Variants in CAPG observed in about 807,000 individuals in gnomAD.
The protein encoded by CAPG is macrophage-capping protein.
CAPG carries 32 observed loss-of-function variants against 44.6 expected under a neutral mutation model. The ratio of observed to expected loss-of-function variants is 0.72; its 90% CI spans 0.54 to 0.96. The LOEUF (loss-of-function observed/expected upper bound fraction) is 0.96, where lower values mean the gene tolerates loss of function less well. Ranked by LOEUF, CAPG falls within the 50% of genes least tolerant of loss-of-function variation. The pLI is 0.00. For synonymous variants in CAPG, 175 were observed against 179.6 expected, an observed-to-expected ratio of 0.97 and a Z score of 0.20; for missense variants, 412 against 438.3, an observed-to-expected ratio of 0.94 and a Z score of 0.54.
At chr2:85,399,079 C>T (rs1482616993) in intron 6 of CAPG, 57 bp downstream of exon 6, 29 of 1,585,752 alleles carry the variant, frequency 1.8e-5, no homozygotes, top group Non-Finnish European at 2.5e-5. Flanking sequence ...TCATCACCAC[C>T]TCTCTTGGCC....
At position 85,394,965 on chromosome 2, in the gene CAPG, G is replaced by A. The variant is rs755664574; in HGVS notation, c.982-7C>T. 6.9e-6 allele frequency: 11 copies of A among 1,602,192 alleles called. No homozygotes were observed. The Admixed American group carries it at 1.7e-4, about 24-fold the overall frequency. Reference sequence around the variant, plus strand: ...CCTGAGGCAGAATCTCCACCTGCAGGGACAGCGGGGGAGAAGTCTGGTTCA... The same window carrying A: ...CCTGAGGCAGAATCTCCACCTGCAGAGACAGCGGGGGAGAAGTCTGGTTCA... On this transcript the variant is annotated splice_polypyrimidine_tract_variant and splice_region_variant and intron_variant, in intron 9 of 9. Transcript: ENST00000263867.
chr2:85,401,401 AG>A (rs1249102720), intron 4 of CAPG, 72 bp from the exon 5 acceptor site: 1 of 1,579,526 alleles, frequency 6.3e-7, no homozygotes, highest in Admixed American at 1.7e-5. Flanking sequence ...TCCCACTGGA[AG>A]ACGGGCAGAA....
intron 1 of CAPG, among the ~76,000 whole-genome samples, chr2:85,416,830 G>T (rs1278755846): frequency 6.6e-6 from 1 of 152,126 alleles, no homozygotes; most frequent in African/African-American, 2.4e-5. Context: ...TTTATTTGAA[G>T]ACATTGATTC....
chr2:85,417,906 C>T (rs1232916435), intron 1 of CAPG, among the ~76,000 whole-genome samples: 1 of 152,124 alleles, frequency 6.6e-6, no homozygotes, highest in African/African-American at 2.4e-5. Flanking sequence ...ACAAAACACC[C>T]CTCCTCCTCA....
chr2:85,408,344 AC>A (rs2104843314), intron 1 of CAPG, among the ~76,000 whole-genome samples: 1 of 128,268 alleles, frequency 7.8e-6, no homozygotes, highest in South Asian at 2.6e-4. Context: ...TCTGTCACAC[AC>A]ACACACACAC....
At chr2:85,405,910 G>C (rs544292910) in intron 1 of CAPG, among the ~76,000 whole-genome samples, 9 of 152,178 alleles carry the variant, frequency 5.9e-5, no homozygotes, top group African/African-American at 2.2e-4. Context: ...AATGAGACAC[G>C]GAGTGCGCCA....
In CAPG at chr2:85,401,850, GAGA is replaced by G. The variant is rs1558733518; in HGVS notation, c.128_130del (p.Phe43del). The stretch of plus-strand genomic sequence containing the variant: ...GTGCAGCACTAGGTAGGAGTCCCCC[GAGA>G]AGAAGACGCCCTGGTTCTCTTGCGC... On this transcript the variant is annotated inframe_deletion, in exon 3 of 10. Transcript: ENST00000263867. The G allele has an allele frequency of 6.2e-7, 1 of 1,614,068 alleles. No homozygotes were observed. The highest frequency in any genetic ancestry group is 1.1e-5 in the South Asian group (1 of 91,086).
At chr2:85,396,195 A>AT (rs1324760381) in intron 8 of CAPG, among the ~76,000 whole-genome samples, 4 of 151,758 alleles carry the variant, frequency 2.6e-5, no homozygotes, top group Non-Finnish European at 5.9e-5. Flanking sequence ...TTTTATTTTT[A>AT]TTTTTTCTGA....
At chr2:85,415,040 G>A (rs1220582304), upstream of CAPG, among the ~76,000 whole-genome samples, 3 of 152,216 alleles carry the variant, frequency 2.0e-5, no homozygotes, top group African/African-American at 7.2e-5. Context: ...GTCCATGGGT[G>A]GGGCCTGGGG....
chr2:85,398,953 G>A lies in CAPG; in HGVS notation c.667-171C>T, dbSNP rs540646379. On this transcript the variant is annotated intron_variant, in intron 6 of 9. Transcript: ENST00000263867. ...TCCAGCCCACCCCACCAGCCAGGCT[G>A]CTCAGCCTCGAGGACGAGCATCTAC... 9.8e-5 allele frequency among the ~76,000 whole-genome samples: 15 copies of A among 152,334 alleles called. No homozygotes were observed. The South Asian group carries it at 2.9e-3, about 29-fold the overall frequency.
rs533621927 is a variant in CAPG, at chr2:85,397,942, G to T, written c.892+78C>A. On this transcript the variant is annotated intron_variant, in intron 8 of 9. Coordinates refer to ENST00000263867, the MANE Select transcript of CAPG (RefSeq NM_001747.4). ...CTGTCTTTTACAAGCAGCTAGACAG[G>T]CTGAGTCCTGCAAAGGGAAGCCTGC... The T allele has an allele frequency of 8.4e-6, 12 of 1,423,682 alleles. 1 individual carries two copies. The Middle Eastern group carries it at 6.2e-4, about 73-fold the overall frequency. The allele number at this position is 1,423,682 out of a possible 1,614,324, so 88.2% of individuals were successfully genotyped here.
At chr2:85,396,100 T>C (rs900704388) in intron 8 of CAPG, 8 of 154,330 alleles carry the variant, frequency 5.2e-5, no homozygotes, top group African/African-American at 1.7e-4. Context: ...TTATGCTAAC[T>C]AAGCACTTAC....
At chr2:85,397,529 C>A (rs1371264079) in intron 8 of CAPG, among the ~76,000 whole-genome samples, 1 of 148,038 alleles carries the variant, frequency 6.8e-6, no homozygotes, top group Non-Finnish European at 1.5e-5. Context: ...GTAGTGAAAC[C>A]CCATCTCTAC....
chr2:85,397,898 G>T, intron 8 of CAPG, 122 bp downstream of exon 8: 1 of 974,346 alleles, frequency 1.0e-6, no homozygotes, highest in Non-Finnish European at 1.5e-6. Flanking sequence ...TCAGCCAGAA[G>T]CATGCAGGCT....
intron 6 of CAPG, 87 bp downstream of exon 6, chr2:85,399,049 G>A (rs954125396): frequency 2.8e-5 from 41 of 1,467,374 alleles, no homozygotes; most frequent in Admixed American, 1.9e-4. Context: ...ACCCTCCACC[G>A]GCCACTCTCA....
chr2:85,415,870 G>T (rs567999420), intron 1 of CAPG, among the ~76,000 whole-genome samples: 2 of 151,888 alleles, frequency 1.3e-5, no homozygotes, highest in South Asian at 4.2e-4. Flanking sequence ...TTTTTTAAGA[G>T]ACAGGGTCTC....
chr2:85,401,276 G>A lies in CAPG; in HGVS notation c.405C>T (p.Ala135=), dbSNP rs1686873023. 1.9e-6 allele frequency: 3 copies of A among 1,614,166 alleles called. No individual in the cohort carries two copies. The change falls in exon 5 of 10, where the codon GCC becomes GCT. Residue 135 remains alanine, a synonymous_variant. Transcript: ENST00000263867. ...FHKTSTGAPA[A]IKKLYQVKGK... The stretch of plus-strand genomic sequence containing the variant: ...CCTTCACCTGGTAGAGTTTCTTGAT[G>A]GCAGCTGGGGCTCCTGTGGAGGTCT...
At chr2:85,405,017 T>A (rs1184760518) in intron 1 of CAPG, among the ~76,000 whole-genome samples, 4 of 151,810 alleles carry the variant, frequency 2.6e-5, no homozygotes, top group South Asian at 2.1e-4. Flanking sequence ...AGGCATCTAT[T>A]AAAATACAAC....
intron 5 of CAPG, 114 bp from the exon 6 acceptor site, chr2:85,399,399 G>T: frequency 1.7e-6 from 2 of 1,162,546 alleles, no homozygotes; most frequent in Non-Finnish European, 2.4e-6. Flanking sequence ...CCTGAGGCAG[G>T]ACAACCAGGA....
Sources: allele counts gnomAD v4.1 joint callset (sites outside exome capture counted in the v4.1 genomes callset), GRCh38; gene constraint gnomAD v4.1.1; transcripts MANE v1.5; gene names NCBI Gene and HGNC (gene_info 2026-07-23, HGNC 2026-07-21).